The following SLCO6A1 variants were observed in gnomAD, a reference collection of about 807,000 sequenced individuals.
SLCO6A1 encodes the protein solute carrier organic anion transporter family member 6A1, also known as cancer/testis antigen 48.
A neutral mutation model predicts 72.7 loss-of-function variants in SLCO6A1; 65 were observed. The observed-to-expected ratio is 0.89, with a 90% CI of 0.73 to 1.10. The LOEUF (loss-of-function observed/expected upper bound fraction) is 1.10, where lower values mean the gene tolerates loss of function less well. SLCO6A1 is among the 50% of genes least tolerant of loss of function. SLCO6A1 has a pLI of 0.00. For synonymous variants in SLCO6A1, 314 were observed against 298.2 expected (o/e 1.05, Z -0.55); for missense variants, 874 against 872.6 (o/e 1.00, Z -0.02).
Position 102,459,788 on chromosome 5 carries a change from GA to G in SLCO6A1, c.900-12del. 6.7e-7 allele frequency: 1 copy of G among 1,500,012 alleles called. No homozygotes were observed. The highest frequency in any genetic ancestry group is 8.9e-7 in the Non-Finnish European group (1 of 1,127,898). The allele number at this position is 1,500,012 out of a possible 1,614,324, so 92.9% of individuals were successfully genotyped here. A position where few individuals can be genotyped will look rare whatever the true frequency, so the allele number is the denominator to read the frequency against. On this transcript the variant is annotated splice_polypyrimidine_tract_variant and intron_variant, in intron 4 of 13. Coordinates refer to ENST00000506729, the MANE Select transcript of SLCO6A1 (RefSeq NM_173488.5). ...TTATTGACTGTAGTGCTTTAATAAA[GA>G]AAAGTGAAAAAAAAAAGCAACTTTA...
At chr5:102,451,692 T>C (rs1750426977) in intron 6 of SLCO6A1, among the ~76,000 whole-genome samples, 1 of 152,190 alleles carries the variant, frequency 6.6e-6, no homozygotes, top group African/African-American at 2.4e-5. Flanking sequence ...CATGGTTCTA[T>C]ACCAATCCCA....
rs750143736 is a variant in SLCO6A1 at position 102,420,007 on chromosome 5, G to A, written c.1291C>T (p.Pro431Ser). ...AGAAGCTGGCCAAGTGCACCTCCTG[G>A]AATTAAAACAAGTCCTAAAAAAAAG... Reference protein sequence around the residue: ...ATTLAGLVLIPGGALGQLLGG... With the variant: ...ATTLAGLVLISGGALGQLLGG... The change falls in exon 8 of 14, where the codon CCA (proline) becomes TCA (serine). Residue 431 changes from proline to serine, a missense_variant. Coordinates refer to ENST00000506729, the MANE Select transcript of SLCO6A1 (RefSeq NM_173488.5). 1 of 1,567,962 alleles carries A rather than the reference G, an allele frequency of 6.4e-7. No homozygotes were observed. The highest frequency in any genetic ancestry group is 8.6e-7 in the Non-Finnish European group (1 of 1,165,790).
intron 12 of SLCO6A1, among the ~76,000 whole-genome samples, chr5:102,375,235 G>A (rs767064358): frequency 1.3e-5 from 2 of 152,118 alleles, no homozygotes; most frequent in Non-Finnish European, 2.9e-5. Flanking sequence ...GCCTAGTTGT[G>A]AAGCACAGGC....
chr5:102,437,100 C>T (rs889063943), intron 7 of SLCO6A1, among the ~76,000 whole-genome samples: 19 of 152,112 alleles, frequency 1.2e-4, no homozygotes, highest in African/African-American at 4.6e-4. Context: ...CTTACTGAAG[C>T]CATCTTTATG....
At chr5:102,452,694 T>C (rs1750483387) in intron 6 of SLCO6A1, among the ~76,000 whole-genome samples, 2 of 152,182 alleles carry the variant, frequency 1.3e-5, no homozygotes, top group South Asian at 4.1e-4. Context: ...TAAGAGTAGA[T>C]AATCCATTCG....
At chr5:102,445,060 C>A (rs917898261) in intron 6 of SLCO6A1, among the ~76,000 whole-genome samples, 1 of 152,046 alleles carries the variant, frequency 6.6e-6, no homozygotes, top group African/African-American at 2.4e-5. Flanking sequence ...TATGATAGAA[C>A]AATTTATATT....
At chr5:102,424,354 A>C (rs1158395695) in intron 7 of SLCO6A1, among the ~76,000 whole-genome samples, 1 of 152,156 alleles carries the variant, frequency 6.6e-6, no homozygotes, top group Non-Finnish European at 1.5e-5. Flanking sequence ...GAAAAGATTA[A>C]CAAACTAGAT....
chr5:102,457,152 G>A (rs1368107183), intron 6 of SLCO6A1, among the ~76,000 whole-genome samples: 1 of 152,140 alleles, frequency 6.6e-6, no homozygotes, highest in South Asian at 2.1e-4. Context: ...AAAAACCCTA[G>A]AAGAAAACCT....
intron 4 of SLCO6A1, among the ~76,000 whole-genome samples, chr5:102,474,487 G>C (rs1751793526): frequency 6.6e-6 from 1 of 152,074 alleles, no homozygotes; most frequent in South Asian, 2.1e-4. Flanking sequence ...GGAAAGCATA[G>C]GGAGAATGCT....
In SLCO6A1 at chr5:102,399,740, C is replaced by A; in HGVS notation, c.1629G>T (p.Met543Ile). 2 of 1,562,120 alleles carry A rather than the reference C, an allele frequency of 1.3e-6. No homozygotes were observed. Among genetic ancestry groups the A allele is most frequent in the South Asian group, 1.2e-5 (1 of 81,314 alleles). ...TYSKAQNQKKMYYNCSCIKEG... is the reference protein window; with the variant it reads ...TYSKAQNQKKIYYNCSCIKEG... ...CTTTAATGCAAGAACAATTGTAGTA[C>A]ATCTGTGAGTATTGAAGACAGGAAA... Residue 543 changes from methionine (M) to isoleucine (I), a missense_variant and splice_region_variant, in exon 10 of 14, where the codon ATG becomes ATT. Physicochemically the swap from Met to Ile is conservative, Grantham distance 10. Transcript: ENST00000506729.
intron 1 of SLCO6A1, among the ~76,000 whole-genome samples, chr5:102,487,431 G>T (rs2112850352): frequency 6.6e-6 from 1 of 152,264 alleles, no homozygotes; most frequent in South Asian, 2.1e-4. Context: ...TAAAATGATG[G>T]TTATATGCAC....
At chr5:102,447,866 G>A (rs540300303) in intron 6 of SLCO6A1, among the ~76,000 whole-genome samples, 1 of 152,024 alleles carries the variant, frequency 6.6e-6, no homozygotes, top group Admixed American at 6.6e-5. Context: ...TCTCATCTGC[G>A]TTTTGTTCAG....
intron 6 of SLCO6A1, among the ~76,000 whole-genome samples, chr5:102,447,236 G>C (rs900159708): frequency 2.0e-5 from 3 of 152,122 alleles, no homozygotes; most frequent in African/African-American, 7.2e-5. Flanking sequence ...TGGTGGTTTA[G>C]TTTTTTGACA....
intron 6 of SLCO6A1, among the ~76,000 whole-genome samples, chr5:102,440,016 G>A (rs6596493): frequency 0.65 from 98,407 of 152,004 alleles, 32,054 homozygotes; most frequent in African/African-American, 0.67. Context: ...AGGTTGGGTC[G>A]TAAAATGAAA....
chr5:102,498,826 G>C lies in SLCO6A1; in HGVS notation c.19C>G (p.Arg7Gly), dbSNP rs552662682. 12 of 1,610,734 alleles carry C rather than the reference G, an allele frequency of 7.5e-6. No homozygotes were observed. The highest frequency in any genetic ancestry group is 2.2e-5 in the South Asian group (2 of 91,032). ...ACTTCATCCTGGCTCCCAGAGTGCCGGGCGACGCCTACGAACATGGCTCAC... is the reference window on the plus strand; with the variant it reads ...ACTTCATCCTGGCTCCCAGAGTGCCCGGCGACGCCTACGAACATGGCTCAC... The part of the protein sequence containing the change: MFVGVA[R>G]HSGSQDEVSR... Residue 7 changes from arginine to glycine, a missense_variant, in exon 1 of 14, where the codon CGG (arginine) becomes GGG (glycine). Physicochemically the swap from Arg to Gly is moderately radical, Grantham distance 125. Coordinates refer to ENST00000506729, the MANE Select transcript of SLCO6A1 (RefSeq NM_173488.5).
At chr5:102,414,585 A>C (rs1014508047) in intron 8 of SLCO6A1, among the ~76,000 whole-genome samples, 1 of 152,200 alleles carries the variant, frequency 6.6e-6, no homozygotes, top group Admixed American at 6.5e-5. Flanking sequence ...TTTATACACC[A>C]ATAAAAATCT....
chr5:102,476,901 C>G (rs971782145), intron 3 of SLCO6A1, among the ~76,000 whole-genome samples: 4 of 151,960 alleles, frequency 2.6e-5, no homozygotes, highest in Non-Finnish European at 2.9e-5. Flanking sequence ...TAACCCTGTA[C>G]AAATAGATGA....
chr5:102,465,538 T>G (rs1465419262), intron 4 of SLCO6A1, among the ~76,000 whole-genome samples: 2 of 152,150 alleles, frequency 1.3e-5, no homozygotes, highest in Non-Finnish European at 2.9e-5. Flanking sequence ...CTCAAATTCT[T>G]TGTCTCAAGT....
intron 10 of SLCO6A1, among the ~76,000 whole-genome samples, chr5:102,396,258 A>T (rs557152103): frequency 3.7e-4 from 56 of 152,172 alleles, no homozygotes; most frequent in African/African-American, 1.3e-3. Flanking sequence ...CTTTCTACAT[A>T]TGGCTAGCCA....
Sources: gnomAD v4.1 joint callset for allele counts (sites outside exome capture counted in the v4.1 genomes callset) on GRCh38, gnomAD v4.1.1 for gene constraint, MANE v1.5 for transcripts, NCBI Gene and HGNC (gene_info 2026-07-23, HGNC 2026-07-21) for gene names.